The following XKR4 variants were observed in gnomAD, a reference collection of about 807,000 sequenced individuals.
The protein encoded by XKR4 is XK related 4.
Under a neutral mutation model 53.9 loss-of-function variants are expected in XKR4, and 12 were observed. The observed-to-expected ratio is 0.22, with a 90% CI of 0.14 to 0.36. The LOEUF is 0.36. Ranked by LOEUF, XKR4 falls within the 10% of genes least tolerant of loss-of-function variation. The probability of loss-of-function intolerance (pLI) is 1.00; values close to 1 mark genes in which losing one functional copy is unlikely to be tolerated. For missense variants in XKR4, 799 were observed against 859.5 expected, an observed-to-expected ratio of 0.93 and a Z score of 0.88; for synonymous variants, 354 against 362.4, an observed-to-expected ratio of 0.98 and a Z score of 0.26.
intron 2 of XKR4, chr8:55,455,065 G>A (rs1378681277): frequency 4.2e-6 from 3 of 715,158 alleles, no homozygotes; most frequent in Non-Finnish European, 7.7e-6. Flanking sequence ...GCAGAATCTG[G>A]CCCTGGCCTT....
intron 2 of XKR4, among the ~76,000 whole-genome samples, chr8:55,438,243 A>T (rs1390812051): frequency 1.3e-5 from 2 of 152,200 alleles, no homozygotes; most frequent in African/African-American, 2.4e-5. Context: ...ATAATGACTC[A>T]TAATAGGCTT....
intron 1 of XKR4, among the ~76,000 whole-genome samples, chr8:55,345,871 C>A (rs74542682): frequency 0.084 from 12,847 of 152,088 alleles, 750 homozygotes; most frequent in Non-Finnish European, 0.13. Context: ...ATGACCATGA[C>A]CCCTAATGCC....
chr8:55,440,865 A>G (rs1805253534), intron 2 of XKR4, among the ~76,000 whole-genome samples: 1 of 152,118 alleles, frequency 6.6e-6, no homozygotes, highest in African/African-American at 2.4e-5. Flanking sequence ...TAAAAATATG[A>G]TTAAAAAAGA....
At chr8:55,155,444 T>C (rs1398348651) in intron 1 of XKR4, among the ~76,000 whole-genome samples, 1 of 151,660 alleles carries the variant, frequency 6.6e-6, no homozygotes, top group East Asian at 1.9e-4. Context: ...AAAATAGATA[T>C]ACATTTTAAA....
chr8:55,380,619 T>G (rs1450572536), intron 2 of XKR4, among the ~76,000 whole-genome samples: 1 of 152,280 alleles, frequency 6.6e-6, no homozygotes, highest in Non-Finnish European at 1.5e-5. Flanking sequence ...TTCAGAGAAC[T>G]AATAAGTGAT....
intron 2 of XKR4, among the ~76,000 whole-genome samples, chr8:55,378,619 G>A (rs1005287662): frequency 6.6e-6 from 1 of 152,040 alleles, no homozygotes; most frequent in Non-Finnish European, 1.5e-5. Flanking sequence ...TAAGTGGAAG[G>A]GCATTTTATT....
chr8:55,413,925 A>G (rs560895165), intron 2 of XKR4, among the ~76,000 whole-genome samples: 5 of 152,360 alleles, frequency 3.3e-5, no homozygotes, highest in East Asian at 3.9e-4. Context: ...TTAATTGCCA[A>G]TGAAGACAAT....
chr8:55,209,957 T>A (rs1358484321), intron 1 of XKR4, among the ~76,000 whole-genome samples: 1 of 109,276 alleles, frequency 9.2e-6, no homozygotes, highest in African/African-American at 2.8e-5. Flanking sequence ...GGAGTACTTG[T>A]TTTTTGCAGA....
chr8:55,379,935 T>G (rs138855653), intron 2 of XKR4, among the ~76,000 whole-genome samples: 2 of 152,234 alleles, frequency 1.3e-5, no homozygotes, highest in African/African-American at 4.8e-5. Flanking sequence ...CTACCTCAAG[T>G]GTTATGAGCA....
At chr8:55,430,732 T>A (rs1045013306) in intron 2 of XKR4, among the ~76,000 whole-genome samples, 1 of 152,170 alleles carries the variant, frequency 6.6e-6, no homozygotes, top group African/African-American at 2.4e-5. Context: ...AAGTCTGAGA[T>A]GAAGGTGTAG....
chr8:55,521,979 A>G (rs557827316), intron 2 of XKR4, among the ~76,000 whole-genome samples: 38 of 152,360 alleles, frequency 2.5e-4, no homozygotes, highest in African/African-American at 8.4e-4. Flanking sequence ...GCCAGACTTT[A>G]AAATAGATGA....
At chr8:55,141,396 C>T (rs113604909) in intron 1 of XKR4, among the ~76,000 whole-genome samples, 11 of 152,004 alleles carry the variant, frequency 7.2e-5, no homozygotes, top group African/African-American at 2.4e-4. Flanking sequence ...GTGGGGAGGT[C>T]GGATTTCTCC....
At chr8:55,135,956 C>T (rs531157811) in intron 1 of XKR4, among the ~76,000 whole-genome samples, 3 of 151,496 alleles carry the variant, frequency 2.0e-5, no homozygotes, top group Admixed American at 6.6e-5. Context: ...TGCAGTGGCA[C>T]GATCTTGGCT....
In XKR4 at chr8:55,531,266, C is replaced by G. The variant is rs1339372865; in HGVS notation, c.*7039C>G. The G allele has an allele frequency of 6.6e-6, 1 of 152,168 alleles. No homozygotes were observed. Among genetic ancestry groups the G allele is most frequent in the Non-Finnish European group, 1.5e-5 (1 of 68,036 alleles). 9.4% of individuals were successfully genotyped at this position (152,168 alleles called of 1,614,324 possible). On this transcript the variant is annotated 3_prime_UTR_variant, in exon 3 of 3. Coordinates refer to ENST00000327381, the MANE Select transcript of XKR4 (RefSeq NM_052898.2). ...GGTAGAGCCTATTGTCCCTAGGCTA[C>G]AAACCTGTACAGCATGCTACTGTAC...
chr8:55,348,362 G>A (rs1030238811), intron 1 of XKR4, among the ~76,000 whole-genome samples: 2 of 152,166 alleles, frequency 1.3e-5, no homozygotes, highest in African/African-American at 2.4e-5. Context: ...CAGCCTGTGA[G>A]GGAGGGACAG....
At chr8:55,459,262 C>T (rs909296234) in intron 2 of XKR4, among the ~76,000 whole-genome samples, 1 of 152,058 alleles carries the variant, frequency 6.6e-6, no homozygotes, top group Non-Finnish European at 1.5e-5. Context: ...TTATATTAGA[C>T]ATAAAAACTA....
At chr8:55,477,873 C>G (rs1806025912) in intron 2 of XKR4, among the ~76,000 whole-genome samples, 1 of 151,964 alleles carries the variant, frequency 6.6e-6, no homozygotes, top group South Asian at 2.1e-4. Context: ...TACAAAGAAA[C>G]AAACAAAGCC....
intron 2 of XKR4, among the ~76,000 whole-genome samples, chr8:55,429,771 A>G (rs900461641): frequency 1.3e-5 from 2 of 152,098 alleles, no homozygotes; most frequent in African/African-American, 4.8e-5. Context: ...AAAGAAAAAG[A>G]AAAATTGCTA....
At chr8:55,107,013 A>G (rs915613225) in intron 1 of XKR4, among the ~76,000 whole-genome samples, 1 of 152,174 alleles carries the variant, frequency 6.6e-6, no homozygotes, top group African/African-American at 2.4e-5. Context: ...TACAGTTATC[A>G]GTTAAGTTTT....
Sources: gnomAD v4.1 joint callset for allele counts (sites outside exome capture counted in the v4.1 genomes callset) on GRCh38, gnomAD v4.1.1 for gene constraint, MANE v1.5 for transcripts, NCBI Gene and HGNC (gene_info 2026-07-23, HGNC 2026-07-21) for gene names.